BCAR3: variants seen among roughly 807,000 people sequenced by gnomAD.
The protein encoded by BCAR3 is breast cancer anti-estrogen resistance protein 3.
Under a neutral mutation model 80.1 loss-of-function variants are expected in BCAR3, and 37 were observed. That is an observed-to-expected ratio of 0.46 (90% CI 0.36 to 0.61). BCAR3 has a LOEUF of 0.61. Ranked by LOEUF, BCAR3 falls within the 20% of genes least tolerant of loss-of-function variation. The probability of loss-of-function intolerance (pLI) is 0.00; values close to 1 mark genes in which losing one functional copy is unlikely to be tolerated. For synonymous variants in BCAR3, 389 were observed against 418.9 expected (o/e 0.93, Z 0.87); for missense variants, 978 against 1,068.2 (o/e 0.92, Z 1.18).
At chr1:93,789,357 A>G (rs1212913985) in intron 2 of BCAR3, among the ~76,000 whole-genome samples, 3 of 152,224 alleles carry the variant, frequency 2.0e-5, no homozygotes, top group Non-Finnish European at 4.4e-5. Flanking sequence ...AAGACCTATT[A>G]TATGTAGGGT....
In BCAR3 at chr1:93,662,468, A is replaced by T. The variant is rs11802498; in HGVS notation, c.317+12146T>A. Among the ~76,000 whole-genome samples, 1,372 of 150,748 alleles carry T rather than the reference A, an allele frequency of 9.1e-3. 15 individuals are homozygous for T. The highest frequency in any genetic ancestry group is 0.028 in the African/African-American group (1,159 of 41,298). On this transcript the variant is annotated intron_variant, in intron 2 of 11. Transcript: ENST00000260502. ...AAAATACCAAGATCTCTTTTTTTTT[A>T]AAAAAAAATCTCATTTCTGTTGCTC...
At position 93,647,783 on chromosome 1, in the gene BCAR3, G is replaced by GT. The variant is rs371056301; in HGVS notation, c.318-5441dup. Among the ~76,000 whole-genome samples, 1,202 of 147,672 alleles carry GT rather than the reference G, an allele frequency of 8.1e-3. 7 individuals are homozygous for GT. The highest frequency in any genetic ancestry group is 0.011 in the Non-Finnish European group (759 of 66,564). ...CCTATGTATTGTTTTCTTGAAATAT[G>GT]TTTTTTTTTTTCGAGTCTTGCTCTT... On this transcript the variant is annotated intron_variant, in intron 2 of 11. Coordinates refer to ENST00000260502, the MANE Select transcript of BCAR3 (RefSeq NM_003567.4).
intron 3 of BCAR3, among the ~76,000 whole-genome samples, chr1:93,696,101 CAA>C (rs1649386891): frequency 6.6e-6 from 1 of 151,306 alleles, no homozygotes; most frequent in Non-Finnish European, 1.5e-5. Flanking sequence ...AGTGCAGTGG[CAA>C]AATCAAAGCT....
rs1437009544 is a variant in BCAR3, at chr1:93,582,841, G to T, written c.1146C>A (p.Val382=). 2 of 1,613,370 alleles carry T rather than the reference G, an allele frequency of 1.2e-6. No homozygotes were observed. The highest frequency in any genetic ancestry group is 2.2e-5 in the South Asian group (2 of 91,054). The change falls in exon 7 of 12, where the codon GTC becomes GTA. Residue 382 remains valine (V), a synonymous_variant. Transcript: ENST00000260502. Reference sequence around the variant, plus strand: ...CCTCCCCAGCCCTGGCGTCTGAGGAGACCCTCCGAACCACTGCTGGGCTCA... The same window carrying T: ...CCTCCCCAGCCCTGGCGTCTGAGGATACCCTCCGAACCACTGCTGGGCTCA... ...PALSPAVVRR[V]SSDARAGEAL...
intron 2 of BCAR3, among the ~76,000 whole-genome samples, chr1:93,752,415 G>A (rs964468466): frequency 6.6e-6 from 1 of 152,204 alleles, no homozygotes; most frequent in African/African-American, 2.4e-5. Flanking sequence ...GAAATACTAA[G>A]ATGCATAAAA....
In BCAR3 at chr1:93,772,269, A is replaced by C. The variant is rs1236643658; in HGVS notation, c.-62-66127T>G. Among the ~76,000 whole-genome samples the C allele has an allele frequency of 3.3e-5, 5 of 152,186 alleles. No homozygotes were observed. In the East Asian group the frequency reaches 9.6e-4, roughly 29 times the overall value. On this transcript the variant is annotated intron_variant, in intron 2 of 13. Coordinates refer to the BCAR3 transcript ENST00000370244. The stretch of plus-strand genomic sequence containing the variant: ...TTTTAAGAAAAATCACTCTGACTAC[A>C]AGTTGGAGAGAGGATTGGAGGCAAA...
At chr1:93,783,015 A>G (rs976200198) in intron 2 of BCAR3, among the ~76,000 whole-genome samples, 7 of 152,254 alleles carry the variant, frequency 4.6e-5, no homozygotes, top group African/African-American at 1.7e-4. Context: ...TGTGCATTTC[A>G]GAAGGAAAAA....
At chr1:93,757,205 C>T (rs1323255561) in intron 2 of BCAR3, among the ~76,000 whole-genome samples, 2 of 152,076 alleles carry the variant, frequency 1.3e-5, no homozygotes, top group African/African-American at 4.8e-5. Flanking sequence ...AGTGGTCTTC[C>T]AAAAGGGGCA....
intron 2 of BCAR3, among the ~76,000 whole-genome samples, chr1:93,825,987 T>C (rs986604521): frequency 2.6e-5 from 4 of 152,080 alleles, no homozygotes; most frequent in African/African-American, 9.7e-5. Flanking sequence ...GAGAAGAAAA[T>C]TCTCTAACTC....
chr1:93,728,194 C>T (rs966663645), intron 2 of BCAR3, among the ~76,000 whole-genome samples: 1 of 152,234 alleles, frequency 6.6e-6, no homozygotes, highest in Non-Finnish European at 1.5e-5. Flanking sequence ...TTTACAGCAG[C>T]CCTAGTGAAA....
At chr1:93,816,579 G>C (rs1300125824) in intron 2 of BCAR3, among the ~76,000 whole-genome samples, 2 of 146,944 alleles carry the variant, frequency 1.4e-5, no homozygotes, top group Non-Finnish European at 3.0e-5. Context: ...GCTGAGGCAG[G>C]AGAATCGCTT....
chr1:93,717,210 C>A (rs560828738), intron 2 of BCAR3, among the ~76,000 whole-genome samples: 16 of 152,318 alleles, frequency 1.1e-4, no homozygotes, highest in Admixed American at 9.8e-4. Flanking sequence ...AACCCCAGAT[C>A]AACCAGTCCC....
At chr1:93,677,887 G>C (rs968703593) in intron 1 of BCAR3, among the ~76,000 whole-genome samples, 1 of 152,174 alleles carries the variant, frequency 6.6e-6, no homozygotes, top group African/African-American at 2.4e-5. Context: ...TTAAACCAGA[G>C]AGTAGATCCC....
At chr1:93,673,564 A>G (rs996613654) in intron 2 of BCAR3, among the ~76,000 whole-genome samples, 3 of 152,256 alleles carry the variant, frequency 2.0e-5, no homozygotes, top group South Asian at 2.1e-4. Context: ...CCCATTCTTT[A>G]CCAGATAGCA....
At chr1:93,774,368 C>G (rs1053539541) in intron 2 of BCAR3, among the ~76,000 whole-genome samples, 1 of 151,804 alleles carries the variant, frequency 6.6e-6, no homozygotes, top group Non-Finnish European at 1.5e-5. Context: ...CCTGTAGTCC[C>G]AGCCACTCAG....
At position 93,789,315 on chromosome 1, in the gene BCAR3, C is replaced by T. The variant is rs1342360676; in HGVS notation, c.-63+56252G>A. Among the ~76,000 whole-genome samples, 5 of 152,336 alleles carry T rather than the reference C, an allele frequency of 3.3e-5. No individual in the cohort carries two copies. The East Asian group carries it at 9.6e-4, about 29-fold the overall frequency. ...CTTTTGGTGTGAGAGGAAATGCTCA[C>T]CAGCAAAGAAAGACACTGAATCTAA... is the stretch of plus-strand genomic sequence containing the variant. On this transcript the variant is annotated intron_variant, in intron 2 of 13. Transcript: ENST00000370244.
rs533665185 is a variant in BCAR3 at position 93,607,402 on chromosome 1, C to G, written c.358-15009G>C. Among the ~76,000 whole-genome samples the G allele has an allele frequency of 3.1e-4, 47 of 151,972 alleles. No homozygotes were observed. In the South Asian group the frequency reaches 5.8e-3, roughly 19 times the overall value. ...CGTTATGAGAGTTAGAAGGACAAGG[C>G]CTGAAGAGAAGGTGGAGGGAGGAAA... On this transcript the variant is annotated intron_variant, in intron 3 of 11. Transcript: ENST00000260502.
chr1:93,766,103 C>T (rs1176607731), intron 2 of BCAR3, among the ~76,000 whole-genome samples: 1 of 152,156 alleles, frequency 6.6e-6, no homozygotes, highest in Non-Finnish European at 1.5e-5. Flanking sequence ...TTCTGCCAAT[C>T]GCTGGCAACC....
intron 2 of BCAR3, among the ~76,000 whole-genome samples, chr1:93,773,715 A>C (rs535129196): frequency 6.6e-6 from 1 of 152,288 alleles, no homozygotes; most frequent in Non-Finnish European, 1.5e-5. Flanking sequence ...TCCCAGCCTG[A>C]CCAGGACCTC....
Sources: gnomAD v4.1 joint callset for allele counts (sites outside exome capture counted in the v4.1 genomes callset) on GRCh38, gnomAD v4.1.1 for gene constraint, MANE v1.5 for transcripts, NCBI Gene and HGNC (gene_info 2026-07-23, HGNC 2026-07-21) for gene names.